The following RREB1 variants were observed in gnomAD, a reference collection of about 807,000 sequenced individuals.
RREB1 encodes ras-responsive element-binding protein 1.
In RREB1, 27 loss-of-function variants were observed where a neutral mutation model predicts 117.8. That is an observed-to-expected ratio of 0.23 (90% CI 0.17 to 0.32). RREB1 has a LOEUF of 0.32. RREB1 is among the 10% of genes least tolerant of loss of function. The pLI is 1.00. For missense variants in RREB1, 2,577 were observed against 2,378.2 expected (o/e 1.08, Z -1.74); for synonymous variants, 1,298 against 1,026.7 (o/e 1.26, Z -5.05).
intron 1 of RREB1, among the ~76,000 whole-genome samples, chr6:7,110,212 A>C (rs1052141879): frequency 2.6e-5 from 4 of 152,202 alleles, no homozygotes; most frequent in Non-Finnish European, 5.9e-5. Context: ...TGCCAAGAAA[A>C]GAATGTGGTT....
intron 1 of RREB1, among the ~76,000 whole-genome samples, chr6:7,117,393 T>G (rs960765025): frequency 8.0e-5 from 2 of 24,964 alleles, no homozygotes; most frequent in Non-Finnish European, 1.7e-4. Context: ...TTCCTGTTTT[T>G]TTTTTTTTTT....
chr6:7,219,879 C>T (rs906070599), intron 8 of RREB1, among the ~76,000 whole-genome samples: 7 of 152,178 alleles, frequency 4.6e-5, no homozygotes, highest in African/African-American at 1.7e-4. Flanking sequence ...ACCCCCAGCC[C>T]TTCTCTCTAC....
intron 1 of RREB1, among the ~76,000 whole-genome samples, chr6:7,130,638 A>G (rs1385452773): frequency 1.4e-5 from 2 of 147,846 alleles, no homozygotes; most frequent in East Asian, 4.0e-4. Flanking sequence ...TTTTTTCGAG[A>G]TGGAGTCTTG....
intron 6 of RREB1, among the ~76,000 whole-genome samples, chr6:7,201,913 C>T (rs1372489573): frequency 6.6e-6 from 1 of 152,166 alleles, no homozygotes; most frequent in African/African-American, 2.4e-5. Context: ...CCTCCCTCGA[C>T]ATCTCTGGAG....
chr6:7,189,121 C>A, intron 5 of RREB1, 38 bp from the exon 6 acceptor site: 1 of 1,579,464 alleles, frequency 6.3e-7, no homozygotes, highest in Non-Finnish European at 8.6e-7. Context: ...TTCTGATGCA[C>A]TTTCTTAAGT....
At chr6:7,191,888 C>T (rs904090420) in intron 6 of RREB1, among the ~76,000 whole-genome samples, 5 of 152,042 alleles carry the variant, frequency 3.3e-5, no homozygotes, top group Non-Finnish European at 7.4e-5. Flanking sequence ...TTCTCGCCTA[C>T]TTGCCCTGGC....
intron 9 of RREB1, among the ~76,000 whole-genome samples, chr6:7,227,630 A>T (rs927538861): frequency 1.6e-4 from 25 of 151,956 alleles, no homozygotes; most frequent in African/African-American, 4.6e-4. Flanking sequence ...GTGGGATTTT[A>T]AAAAAAAATC....
chr6:7,215,549 AGGCTGGTCTTGAACTCCTG>A (rs1486320715), intron 8 of RREB1: 1 of 152,174 alleles, frequency 6.6e-6, no homozygotes, highest in African/African-American at 2.4e-5. Flanking sequence ...TTTGTTGCCC[AGGCTGGTCTTGAACTCCTG>A]GGCTCAAGTG....
intron 10 of RREB1, among the ~76,000 whole-genome samples, chr6:7,236,176 G>C (rs1768301425): frequency 1.3e-5 from 2 of 152,160 alleles, no homozygotes; most frequent in South Asian, 4.1e-4. Context: ...GTGGAGGAGA[G>C]GGTGCCAGGA....
At chr6:7,146,191 G>T (rs906074302) in intron 1 of RREB1, among the ~76,000 whole-genome samples, 1 of 152,226 alleles carries the variant, frequency 6.6e-6, no homozygotes, top group African/African-American at 2.4e-5. Flanking sequence ...TGTGGAGCCT[G>T]TTGTGTGAGA....
At chr6:7,210,006 A>T (rs1421760609) in intron 6 of RREB1, among the ~76,000 whole-genome samples, 1 of 152,256 alleles carries the variant, frequency 6.6e-6, no homozygotes. Flanking sequence ...ATTCATTTGT[A>T]ATGTCATTCG....
rs1463903491 is a variant in RREB1 at position 7,230,404 on chromosome 6, C to T, written c.2305C>T (p.Arg769Cys). The change falls in exon 10 of 13, where the codon CGC becomes TGC. Residue 769 changes from arginine (R) to cysteine (C), a missense_variant. Coordinates refer to ENST00000379938, the MANE Select transcript of RREB1 (RefSeq NM_001003699.4). ...GEDLKHYRAL[R>C]IHMRTHCGRG... The stretch of plus-strand genomic sequence containing the variant: ...GGACCTCAAGCACTATCGTGCCCTG[C>T]GCATCCACATGCGCACGCACTGCGG... The T allele has an allele frequency of 3.8e-6, 6 of 1,591,252 alleles. No individual in the cohort carries two copies. Among genetic ancestry groups the T allele is most frequent in the Admixed American group, 1.7e-5 (1 of 59,386 alleles).
At chr6:7,127,916 G>A (rs970807401) in intron 1 of RREB1, among the ~76,000 whole-genome samples, 3 of 152,090 alleles carry the variant, frequency 2.0e-5, no homozygotes, top group Non-Finnish European at 4.4e-5. Context: ...AGCCAACAAA[G>A]GAGCATCATG....
chr6:7,229,629 G>C lies in RREB1; in HGVS notation c.1530G>C (p.Lys510Asn). 1 of 1,612,980 alleles carries C rather than the reference G, an allele frequency of 6.2e-7. No homozygotes were observed. Among genetic ancestry groups the C allele is most frequent in the Admixed American group, 1.7e-5 (1 of 59,950 alleles). ...IFKHMPPLKP[K>N]PLVTPRTVVA... ...AGCACATGCCCCCTCTGAAGCCAAA[G>C]CCCCTGGTCACACCACGGACGGTGG... Residue 510 changes from lysine to asparagine, a missense_variant, in exon 10 of 13, where the codon AAG becomes AAC. Coordinates refer to ENST00000379938, the MANE Select transcript of RREB1 (RefSeq NM_001003699.4). This position sits in a 1 kb window ranked among gnomAD's most constrained non-coding sequence, Gnocchi z 4.5.
In RREB1 at chr6:7,240,560, C is replaced by T. The variant is rs141706996; in HGVS notation, c.3931C>T (p.Pro1311Ser). 7.6e-4 allele frequency: 1,233 copies of T among 1,613,740 alleles called. No homozygotes were observed. Among genetic ancestry groups the T allele is most frequent in the Non-Finnish European group, 9.3e-4 (1,099 of 1,179,844 alleles). ...TCSLRRNGLI[P>S]QSKESDVGSH... ...TTCCCTGAGAAGAAACGGGCTTATC[C>T]CCCAGTCAAAAGAGAGTGATGTTGG... is the stretch of plus-strand genomic sequence containing the variant. Residue 1311 changes from proline to serine, a missense_variant, in exon 11 of 13, where the codon CCC becomes TCC. Physicochemically the swap from Pro to Ser is moderately conservative, Grantham distance 74 (BLOSUM62 -1). Coordinates refer to ENST00000379938, the MANE Select transcript of RREB1 (RefSeq NM_001003699.4).
intron 7 of RREB1, among the ~76,000 whole-genome samples, 178 bp from the exon 8 acceptor site, chr6:7,211,395 C>T (rs1163260335): frequency 3.7e-5 from 3 of 81,844 alleles, no homozygotes; most frequent in African/African-American, 4.4e-5. Context: ...TGGATGGTAG[C>T]GTTCTGGGAG....
intron 6 of RREB1, among the ~76,000 whole-genome samples, chr6:7,194,853 A>G (rs1468124629): frequency 6.6e-6 from 1 of 152,238 alleles, no homozygotes; most frequent in African/African-American, 2.4e-5. Context: ...AACCACCGTA[A>G]TGACAATCTA....
intron 1 of RREB1, among the ~76,000 whole-genome samples, 175 bp downstream of exon 1, chr6:7,108,235 C>T (rs1047445288): frequency 2.6e-5 from 4 of 152,192 alleles, no homozygotes; most frequent in South Asian, 2.1e-4. Flanking sequence ...ACGCCCCACT[C>T]CGCGCAGCGT....
chr6:7,182,528 T>A (rs1764863162), intron 4 of RREB1, among the ~76,000 whole-genome samples: 1 of 152,200 alleles, frequency 6.6e-6, no homozygotes, highest in African/African-American at 2.4e-5. Flanking sequence ...TTCAGATAAT[T>A]CCAGTTAAGA....
Sources: allele counts gnomAD v4.1 joint callset (sites outside exome capture counted in the v4.1 genomes callset), GRCh38; gene constraint gnomAD v4.1.1; non-coding constraint Gnocchi (gnomAD v3.1); transcripts MANE v1.5; gene names NCBI Gene and HGNC (gene_info 2026-07-23, HGNC 2026-07-21).